The following PPP2R2B variants were observed in gnomAD, a reference collection of about 807,000 sequenced individuals.
PPP2R2B encodes serine/threonine-protein phosphatase 2A 55 kDa regulatory subunit B beta isoform.
PPP2R2B carries 5 observed loss-of-function variants against 46.0 expected under a neutral mutation model. The observed-to-expected ratio is 0.11, with a 90% CI of 0.06 to 0.23. The LOEUF (loss-of-function observed/expected upper bound fraction) is 0.23, where lower values mean the gene tolerates loss of function less well. PPP2R2B is among the 10% of genes least tolerant of loss of function. PPP2R2B has a pLI of 1.00. For synonymous variants in PPP2R2B, 215 were observed against 206.7 expected, an observed-to-expected ratio of 1.04 and a Z score of -0.34; for missense variants, 367 against 575.0, an observed-to-expected ratio of 0.64 and a Z score of 3.70.
chr5:146,642,830 G>A (rs762486681), intron 6 of PPP2R2B, among the ~76,000 whole-genome samples: 51 of 152,318 alleles, frequency 3.3e-4, no homozygotes, highest in Admixed American at 1.4e-3. Flanking sequence ...TCCAAGATGC[G>A]TGGATCATTT....
At chr5:146,708,391 A>ATGTATGTGTGTG (rs1445383119) in intron 2 of PPP2R2B, among the ~76,000 whole-genome samples, 1 of 134,820 alleles carries the variant, frequency 7.4e-6, no homozygotes, top group Non-Finnish European at 1.6e-5. Flanking sequence ...CTGTATATCT[A>ATGTATGTGTGTG]TGTATGTGTG....
chr5:146,925,768 A>C (rs1005114958), intron 1 of PPP2R2B, among the ~76,000 whole-genome samples: 2 of 152,080 alleles, frequency 1.3e-5, no homozygotes, highest in Non-Finnish European at 2.9e-5. Flanking sequence ...CATTCCCCTG[A>C]CATGGTTGTT....
At position 146,589,083 on chromosome 5, in the gene PPP2R2B, G is replaced by GAATA. The variant is rs1328693626; in HGVS notation, c.*860_*863dup. 2 of 152,236 alleles carry GAATA rather than the reference G, an allele frequency of 1.3e-5. No homozygotes were observed. The highest frequency in any genetic ancestry group is 6.5e-5 in the Admixed American group (1 of 15,278). The allele number at this position is 152,236 out of a possible 1,614,324, so 9.4% of individuals were successfully genotyped here. On this transcript the variant is annotated 3_prime_UTR_variant, in exon 10 of 10. Coordinates refer to ENST00000394411, the MANE Select transcript of PPP2R2B (RefSeq NM_181675.4). ...AGGACTCGGCCTTTAGAAGTCAATG[G>GAATA]AATAAATAAGCTGGAAAAGGTTGAA...
At chr5:147,063,352 C>A (rs567818321) in intron 2 of PPP2R2B, among the ~76,000 whole-genome samples, 2 of 152,282 alleles carry the variant, frequency 1.3e-5, no homozygotes, top group East Asian at 3.9e-4. Flanking sequence ...AAAATTCACT[C>A]TTTCTCCTAT....
At chr5:147,032,075 A>G (rs1580831346) in intron 1 of PPP2R2B, among the ~76,000 whole-genome samples, 2 of 152,344 alleles carry the variant, frequency 1.3e-5, no homozygotes, top group East Asian at 3.9e-4. Flanking sequence ...AGCTTTTTGT[A>G]CAGCAAAAGG....
intron 2 of PPP2R2B, among the ~76,000 whole-genome samples, chr5:146,841,898 T>C (rs1307429543): frequency 2.6e-5 from 4 of 152,182 alleles, no homozygotes; most frequent in Admixed American, 1.3e-4. Context: ...AACCTGCACG[T>C]TCTGCACATG....
chr5:146,700,773 C>T lies in PPP2R2B; in HGVS notation c.168+272G>A, dbSNP rs144073297. ...GGAGGAGTTACGCTCAACAAGCACC[C>T]ATGGAATTTTGCAGGTCAGGCGAGA... On this transcript the variant is annotated intron_variant, in intron 3 of 9. Coordinates refer to ENST00000394411, the MANE Select transcript of PPP2R2B (RefSeq NM_181675.4). 6.1e-3 allele frequency among the ~76,000 whole-genome samples: 928 copies of T among 152,288 alleles called. 12 individuals are homozygous for T. Among genetic ancestry groups the T allele is most frequent in the African/African-American group, 0.021 (885 of 41,560 alleles).
At chr5:147,041,879 C>G (rs1421884194) in intron 1 of PPP2R2B, among the ~76,000 whole-genome samples, 1 of 152,118 alleles carries the variant, frequency 6.6e-6, no homozygotes, top group Non-Finnish European at 1.5e-5. Context: ...CTCTCCCTTT[C>G]CTTTAATCAC....
intron 2 of PPP2R2B, among the ~76,000 whole-genome samples, chr5:146,787,108 CACACACAAAAAT>C (rs1474590549): frequency 6.6e-6 from 1 of 152,154 alleles, no homozygotes; most frequent in Non-Finnish European, 1.5e-5. Flanking sequence ...AAATCAAACA[CACACACAAAAAT>C]AGTGCTTACA....
rs1770160009 is a variant in PPP2R2B at position 146,586,312 on chromosome 5, C to CTG, written c.*3633_*3634dup. 1 of 152,220 alleles carries CTG rather than the reference C, an allele frequency of 6.6e-6. No homozygotes were observed. Among genetic ancestry groups the CTG allele is most frequent in the Admixed American group, 6.5e-5 (1 of 15,282 alleles). The allele number at this position is 152,220 out of a possible 1,614,324, so 9.4% of individuals were successfully genotyped here. A position where few individuals can be genotyped will look rare whatever the true frequency, so the allele number is the denominator to read the frequency against. Reference sequence around the variant, plus strand: ...ATTAGTAAGGGTTCCACCATTCAGGCTGTGGACTATAGTGTCATCCCTAAA... The same window carrying CTG: ...ATTAGTAAGGGTTCCACCATTCAGGCTGTGTGGACTATAGTGTCATCCCTAAA... On this transcript the variant is annotated 3_prime_UTR_variant, in exon 10 of 10. Transcript: ENST00000394411.
intron 6 of PPP2R2B, among the ~76,000 whole-genome samples, chr5:146,643,425 A>G (rs992835488): frequency 5.3e-5 from 8 of 152,234 alleles, no homozygotes; most frequent in Admixed American, 4.6e-4. Context: ...AGGCAGTGAT[A>G]ACTACTAAGC....
intron 4 of PPP2R2B, among the ~76,000 whole-genome samples, chr5:146,693,729 T>C (rs1779013546): frequency 6.6e-6 from 1 of 152,200 alleles, no homozygotes; most frequent in Non-Finnish European, 1.5e-5. Context: ...CTGATGAGGA[T>C]TAAATAAGTC....
chr5:146,735,040 A>G (rs886678012), intron 2 of PPP2R2B, among the ~76,000 whole-genome samples: 4 of 152,186 alleles, frequency 2.6e-5, no homozygotes, highest in Admixed American at 1.3e-4. Context: ...ACTGAGCTAG[A>G]TGAGAGGGAA....
intron 5 of PPP2R2B, 40 bp from the exon 6 acceptor site, chr5:146,650,764 T>C: frequency 6.3e-7 from 1 of 1,578,132 alleles, no homozygotes; most frequent in East Asian, 2.3e-5. Flanking sequence ...GAACCAAAGA[T>C]CTTCCATAGG....
At chr5:146,670,706 G>A (rs1777297860) in intron 5 of PPP2R2B, among the ~76,000 whole-genome samples, 1 of 151,968 alleles carries the variant, frequency 6.6e-6, no homozygotes. Flanking sequence ...ATGTCAGCCA[G>A]GCTGGTCTCG....
In PPP2R2B at chr5:146,710,535, TAA is replaced by T. The variant is rs893765584; in HGVS notation, c.71-9395_71-9394del. Among the ~76,000 whole-genome samples the T allele has an allele frequency of 5.3e-5, 8 of 152,376 alleles. No individual in the cohort carries two copies. The East Asian group carries it at 5.8e-4, about 11-fold the overall frequency. On this transcript the variant is annotated intron_variant, in intron 2 of 9. Transcript: ENST00000394411. The stretch of plus-strand genomic sequence containing the variant: ...AAGGGCAAAGGAGTCTTAAAAATTA[TAA>T]GTCTCTGAGTACAGAAAAATCCAGT...
intron 1 of PPP2R2B, among the ~76,000 whole-genome samples, chr5:146,987,068 C>A (rs541779802): frequency 6.6e-6 from 1 of 152,024 alleles, no homozygotes; most frequent in Non-Finnish European, 1.5e-5. Context: ...GGTTACACAG[C>A]AAAAACCTTA....
intron 1 of PPP2R2B, among the ~76,000 whole-genome samples, chr5:146,971,428 C>T (rs576096437): frequency 4.5e-4 from 68 of 152,270 alleles, no homozygotes; most frequent in Middle Eastern, 6.8e-3. Flanking sequence ...TAAAAACTTA[C>T]GCTCTATGTT....
intron 1 of PPP2R2B, among the ~76,000 whole-genome samples, chr5:147,026,478 T>A (rs1755531425): frequency 6.6e-6 from 1 of 152,064 alleles, no homozygotes; most frequent in African/African-American, 2.4e-5. Context: ...CACAAGAAAC[T>A]TTTTGAGGGT....
Sources: allele counts gnomAD v4.1 joint callset (sites outside exome capture counted in the v4.1 genomes callset), GRCh38; gene constraint gnomAD v4.1.1; transcripts MANE v1.5; gene names NCBI Gene and HGNC (gene_info 2026-07-23, HGNC 2026-07-21).